The following NKAIN2 variants were observed in gnomAD, a reference collection of about 807,000 sequenced individuals.
The protein encoded by NKAIN2 is sodium/potassium transporting ATPase interacting 2.
NKAIN2 carries 14 observed loss-of-function variants against 32.6 expected under a neutral mutation model. That is an observed-to-expected ratio of 0.43 (90% CI 0.28 to 0.67). The LOEUF (loss-of-function observed/expected upper bound fraction) is 0.67, where lower values mean the gene tolerates loss of function less well. Among genes scored for constraint, NKAIN2 ranks in the 30% least tolerant of loss-of-function variants. NKAIN2 has a pLI of 0.17. For missense variants in NKAIN2, 198 were observed against 258.3 expected, an observed-to-expected ratio of 0.77 and a Z score of 1.60; for synonymous variants, 80 against 87.2, an observed-to-expected ratio of 0.92 and a Z score of 0.46.
At chr6:124,198,438 A>G (rs1790429522) in intron 1 of NKAIN2, among the ~76,000 whole-genome samples, 2 of 151,342 alleles carry the variant, frequency 1.3e-5, no homozygotes, top group Admixed American at 1.3e-4. Flanking sequence ...TCTGCTTGAC[A>G]GTCAAACTCT....
chr6:124,727,791 G>C lies in NKAIN2; in HGVS notation c.475-63548G>C, dbSNP rs1026628120. Among the ~76,000 whole-genome samples the C allele has an allele frequency of 3.0e-3, 80 of 26,570 alleles. 1 individual carries two copies. The highest frequency in any genetic ancestry group is 1.0e-2 in the African/African-American group (69 of 6,908). The allele number at this position is 26,570 out of a possible 152,430, so 17.4% of individuals were successfully genotyped here. On this transcript the variant is annotated intron_variant, in intron 4 of 6. Transcript: ENST00000368417. ...TTGGATAAAGAGTCAAGACCCATCA[G>C]TGTGCTGTATTCAGGAAACCCATCT...
chr6:124,760,469 T>TA (rs531480252), intron 4 of NKAIN2, among the ~76,000 whole-genome samples: 2,418 of 147,534 alleles, frequency 0.016, 71 homozygotes, highest in African/African-American at 0.055. Flanking sequence ...GCTACTCTAC[T>TA]AAAAAAAAAT....
At chr6:124,645,226 C>G (rs1784126312) in intron 3 of NKAIN2, among the ~76,000 whole-genome samples, 1 of 152,042 alleles carries the variant, frequency 6.6e-6, no homozygotes, top group African/African-American at 2.4e-5. Flanking sequence ...ACAAATTTGG[C>G]AGGTAACATC....
intron 1 of NKAIN2, among the ~76,000 whole-genome samples, chr6:124,014,442 T>C (rs1780475989): frequency 6.6e-6 from 1 of 152,110 alleles, no homozygotes; most frequent in Admixed American, 6.5e-5. Flanking sequence ...TTGTTGTTTT[T>C]TTCATTTTAT....
At chr6:123,896,643 G>C (rs1322795958) in intron 1 of NKAIN2, among the ~76,000 whole-genome samples, 1 of 152,174 alleles carries the variant, frequency 6.6e-6, no homozygotes, top group Admixed American at 6.5e-5. Context: ...CATTGAGAGA[G>C]ATGTGGCTTT....
intron 1 of NKAIN2, among the ~76,000 whole-genome samples, chr6:124,045,569 G>A (rs1782080948): frequency 6.6e-6 from 1 of 151,948 alleles, no homozygotes; most frequent in Admixed American, 6.6e-5. Flanking sequence ...AAAGATCAGT[G>A]AAATCCTCAA....
chr6:124,348,163 C>G (rs566153634), intron 2 of NKAIN2, among the ~76,000 whole-genome samples: 1 of 152,064 alleles, frequency 6.6e-6, no homozygotes, highest in Admixed American at 6.6e-5. Context: ...TTTCGTGATC[C>G]GCGAATGCTG....
chr6:124,235,850 G>C (rs1792728270), intron 1 of NKAIN2, among the ~76,000 whole-genome samples: 1 of 151,954 alleles, frequency 6.6e-6, no homozygotes, highest in African/African-American at 2.4e-5. Flanking sequence ...GCCCATCTCA[G>C]CCTCCCAAAG....
intron 2 of NKAIN2, among the ~76,000 whole-genome samples, chr6:124,332,078 A>G (rs1413115100): frequency 6.6e-6 from 1 of 152,200 alleles, no homozygotes; most frequent in East Asian, 1.9e-4. Context: ...CAAAATGGAT[A>G]AGGATATAGG....
chr6:124,200,931 A>T (rs1012794873), intron 1 of NKAIN2, among the ~76,000 whole-genome samples: 4 of 151,978 alleles, frequency 2.6e-5, no homozygotes, highest in Non-Finnish European at 5.9e-5. Context: ...TCATAGGAAA[A>T]AGCCGTCTTC....
In NKAIN2 at chr6:124,805,367, C is replaced by A. The variant is rs1310991056; in HGVS notation, c.536-13020C>A. 2.0e-5 allele frequency among the ~76,000 whole-genome samples: 3 copies of A among 152,186 alleles called. No individual in the cohort carries two copies. In the East Asian group the frequency reaches 5.8e-4, roughly 29 times the overall value. On this transcript the variant is annotated intron_variant, in intron 5 of 6. Coordinates refer to ENST00000368417, the MANE Select transcript of NKAIN2 (RefSeq NM_001040214.3). ...ACTGTTCTGCAGACACCGCTGCTGACACCCAGGCAAACAGGGTCTGGAGTG... is the reference window on the plus strand; with the variant it reads ...ACTGTTCTGCAGACACCGCTGCTGAAACCCAGGCAAACAGGGTCTGGAGTG...
chr6:124,047,712 C>A (rs1782212770), intron 1 of NKAIN2, among the ~76,000 whole-genome samples: 1 of 151,990 alleles, frequency 6.6e-6, no homozygotes. Context: ...AAGCAGAGGG[C>A]AGGAGCAGTG....
At chr6:124,130,612 ATTT>A (rs11320716) in intron 1 of NKAIN2, among the ~76,000 whole-genome samples, 2 of 145,532 alleles carry the variant, frequency 1.4e-5, no homozygotes, top group African/African-American at 2.5e-5. Flanking sequence ...GTTTGCCCTT[ATTT>A]TTTTTTTTTT....
chr6:123,983,974 C>T (rs1048043522), intron 1 of NKAIN2, among the ~76,000 whole-genome samples: 6 of 152,240 alleles, frequency 3.9e-5, no homozygotes, highest in Admixed American at 3.9e-4. Context: ...ATGGCACAAT[C>T]TCGGCTCACT....
At chr6:124,294,665 A>G (rs1487960224) in intron 2 of NKAIN2, among the ~76,000 whole-genome samples, 1 of 152,044 alleles carries the variant, frequency 6.6e-6, no homozygotes. Flanking sequence ...GGTTTTATGA[A>G]TTGTTTTATT....
chr6:124,329,552 G>A (rs1797566179), intron 2 of NKAIN2, among the ~76,000 whole-genome samples: 1 of 152,144 alleles, frequency 6.6e-6, no homozygotes, highest in African/African-American at 2.4e-5. Context: ...GATTGTCGCT[G>A]GGAGTGATGA....
chr6:124,496,815 G>T (rs1358443403), intron 3 of NKAIN2, among the ~76,000 whole-genome samples: 1 of 152,088 alleles, frequency 6.6e-6, no homozygotes, highest in Non-Finnish European at 1.5e-5. Flanking sequence ...AGATTATATT[G>T]AAAAGATAGG....
At position 124,501,518 on chromosome 6, in the gene NKAIN2, C is replaced by T. The variant is rs112566127; in HGVS notation, c.273+146171C>T. Among the ~76,000 whole-genome samples the T allele has an allele frequency of 8.4e-3, 1,284 of 152,254 alleles. 20 individuals carry two copies. The highest frequency in any genetic ancestry group is 0.029 in the African/African-American group (1,202 of 41,550). ...ACCTACTGTAGCGTGGAAGGTAGTT[C>T]GGTCCACTATCCCTCAGCCCCTAAC... On this transcript the variant is annotated intron_variant, in intron 3 of 6. Transcript: ENST00000368417.
At chr6:123,842,993 C>A (rs537109056) in intron 1 of NKAIN2, among the ~76,000 whole-genome samples, 1 of 152,248 alleles carries the variant, frequency 6.6e-6, no homozygotes, top group South Asian at 2.1e-4. Context: ...CACAGGTGAG[C>A]AAGTGCACGA....
Sources: gnomAD v4.1 joint callset for allele counts (sites outside exome capture counted in the v4.1 genomes callset) on GRCh38, gnomAD v4.1.1 for gene constraint, MANE v1.5 for transcripts, NCBI Gene and HGNC (gene_info 2026-07-23, HGNC 2026-07-21) for gene names.